RTL4: variants seen among roughly 807,000 people sequenced by gnomAD.
The protein encoded by RTL4 is retrotransposon Gag like 4, also known as retrotransposon Gag-like protein 4.
RTL4 carries 4 observed loss-of-function variants against 5.3 expected under a neutral mutation model. The ratio of observed to expected loss-of-function variants is 0.75; its 90% CI spans 0.37 to 1.72. RTL4 has a LOEUF of 1.72. RTL4 is among the 40% of genes most tolerant of loss of function. The pLI is 0.04. For missense variants in RTL4, 260 were observed against 227.1 expected, an observed-to-expected ratio of 1.14 and a Z score of -0.93; for synonymous variants, 98 against 87.3, an observed-to-expected ratio of 1.12 and a Z score of -0.68.
At chrX:112,313,888 G>A in the RTL4 span, among the ~76,000 whole-genome samples, 10 of 110,878 alleles carry the variant, frequency 9.0e-5, no homozygotes, top group Admixed American at 8.8e-4. Context: ...CTGAGGAGTT[G>A]AGTATTCTCA....
the RTL4 span, among the ~76,000 whole-genome samples, chrX:112,137,418 G>A: frequency 8.1e-3 from 908 of 111,912 alleles, 5 homozygotes; most frequent in African/African-American, 0.028. Context: ...TGGCTCTGGG[G>A]GCCTCAGGAA....
chrX:112,211,390 A>G, the RTL4 span, among the ~76,000 whole-genome samples: 1 of 112,119 alleles, frequency 8.9e-6, no homozygotes, highest in Non-Finnish European at 1.9e-5. Flanking sequence ...GCTTGTGTGA[A>G]CCATAATTTT....
At chrX:112,365,635 A>C in the RTL4 span, among the ~76,000 whole-genome samples, 5 of 111,721 alleles carry the variant, frequency 4.5e-5, no homozygotes, top group Non-Finnish European at 7.6e-5. Flanking sequence ...ATGATGATAT[A>C]GAAGATCTAT....
chrX:112,395,053 T>C, the RTL4 span, among the ~76,000 whole-genome samples: 1 of 111,950 alleles, frequency 8.9e-6, no homozygotes, highest in Non-Finnish European at 1.9e-5. Context: ...ATGTTATCTA[T>C]TGTAAATCTA....
the RTL4 span, among the ~76,000 whole-genome samples, chrX:112,321,562 AAAAG>A: frequency 1.9e-5 from 2 of 107,128 alleles, no homozygotes; most frequent in South Asian, 7.5e-4. Flanking sequence ...AAAGAAAAAG[AAAAG>A]AAAGAAAGAA....
chrX:112,414,320 T>G, the RTL4 span, among the ~76,000 whole-genome samples: 1 of 111,917 alleles, frequency 8.9e-6, no homozygotes, highest in African/African-American at 3.2e-5. Flanking sequence ...ATAGCATTAC[T>G]TTTTTCATGA....
the RTL4 span, among the ~76,000 whole-genome samples, chrX:112,092,817 G>A: frequency 9.0e-6 from 1 of 111,293 alleles, no homozygotes; most frequent in African/African-American, 3.3e-5. Context: ...CATAAGATGT[G>A]ACTTGCTCTT....
the RTL4 span, among the ~76,000 whole-genome samples, chrX:112,279,839 A>G: frequency 8.9e-6 from 1 of 111,845 alleles, no homozygotes; most frequent in African/African-American, 3.3e-5. Context: ...AACTGGAGAA[A>G]GTTTGGGGTG....
the RTL4 span, among the ~76,000 whole-genome samples, chrX:112,107,667 A>C: frequency 9.3e-6 from 1 of 107,604 alleles, no homozygotes; most frequent in African/African-American, 3.6e-5. Context: ...TCAGCTGATA[A>C]ATCTGCCTTT....
chrX:112,236,903 T>C, the RTL4 span, among the ~76,000 whole-genome samples: 1,760 of 111,290 alleles, frequency 0.016, 10 homozygotes, highest in Non-Finnish European at 0.024. Context: ...ACTGATGTTG[T>C]CACAAGGGTC....
At chrX:112,250,292 G>A in the RTL4 span, among the ~76,000 whole-genome samples, 157 of 109,692 alleles carry the variant, frequency 1.4e-3, no homozygotes, top group African/African-American at 5.0e-3. Context: ...AAAAAAAAAA[G>A]AAAAGAAAAA....
the RTL4 span, among the ~76,000 whole-genome samples, chrX:112,228,726 CTCTGTT>C: frequency 8.9e-6 from 1 of 111,840 alleles, no homozygotes; most frequent in Non-Finnish European, 1.9e-5. Context: ...CAGTTCTATT[CTCTGTT>C]TCTATGAGTT....
chrX:112,151,401 GTCTTTCCACTCC>G, the RTL4 span, among the ~76,000 whole-genome samples: 1 of 111,733 alleles, frequency 8.9e-6, no homozygotes, highest in East Asian at 2.8e-4. Context: ...TATTTTCCTT[GTCTTTCCACTCC>G]TCTCCCCAAC....
At chrX:112,261,761 C>A in the RTL4 span, among the ~76,000 whole-genome samples, 8 of 112,010 alleles carry the variant, frequency 7.1e-5, no homozygotes, top group East Asian at 2.2e-3. Flanking sequence ...AAGAACAAAG[C>A]TGGAGGCATC....
the RTL4 span, among the ~76,000 whole-genome samples, chrX:112,321,077 T>C: frequency 1.8e-5 from 2 of 111,415 alleles, no homozygotes; most frequent in African/African-American, 6.5e-5. Context: ...TCCTTCTATG[T>C]TGAGCAACAA....
the RTL4 span, among the ~76,000 whole-genome samples, chrX:112,138,584 T>C: frequency 9.1e-6 from 1 of 110,215 alleles, no homozygotes; most frequent in Non-Finnish European, 1.9e-5. Context: ...CAGTAAAGTG[T>C]TTTTTTTAAG....
the RTL4 span, among the ~76,000 whole-genome samples, chrX:112,355,865 G>T: frequency 9.0e-6 from 1 of 111,516 alleles, no homozygotes. Context: ...TGCTTATTCT[G>T]TACAGCTGGA....
chrX:112,336,988 C>T, the RTL4 span, among the ~76,000 whole-genome samples: 1 of 111,900 alleles, frequency 8.9e-6, no homozygotes, highest in Non-Finnish European at 1.9e-5. Context: ...TTGTGAAATT[C>T]TCTTTTTAAT....
At chrX:112,354,102 C>A in the RTL4 span, among the ~76,000 whole-genome samples, 1 of 110,828 alleles carries the variant, frequency 9.0e-6, no homozygotes, top group African/African-American at 3.3e-5. Context: ...GTTTTGGTAC[C>A]AGAAGTCTAA....
Sources: allele counts gnomAD v4.1 joint callset (sites outside exome capture counted in the v4.1 genomes callset), GRCh38; gene constraint gnomAD v4.1.1; transcripts MANE v1.5; gene names NCBI Gene and HGNC (gene_info 2026-07-23, HGNC 2026-07-21).